MAF: variants seen among roughly 807,000 people sequenced by gnomAD.
The protein encoded by MAF is MAF bZIP transcription factor, also known as transcription factor Maf.
Under a neutral mutation model 22.0 loss-of-function variants are expected in MAF, and 10 were observed. The observed-to-expected ratio is 0.45, with a 90% confidence interval of 0.28 to 0.77. The LOEUF (loss-of-function observed/expected upper bound fraction) is 0.77. Among genes scored for constraint, MAF ranks in the 30% least tolerant of loss-of-function variants. The probability of loss-of-function intolerance (pLI) is 0.12; values close to 1 mark genes in which losing one functional copy is unlikely to be tolerated. For synonymous variants in MAF, 337 were observed against 255.8 expected (o/e 1.32, Z -3.03); for missense variants, 544 against 548.4 (o/e 0.99, Z 0.08).
the MAF span, among the ~76,000 whole-genome samples, chr16:79,427,622 G>A: frequency 6.6e-6 from 1 of 151,950 alleles, no homozygotes; most frequent in African/African-American, 2.4e-5. Flanking sequence ...TACCCCGAAG[G>A]CCCTCTCAAA....
chr16:79,344,108 C>G, the MAF span, among the ~76,000 whole-genome samples: 1 of 152,166 alleles, frequency 6.6e-6, no homozygotes, highest in Non-Finnish European at 1.5e-5. Flanking sequence ...TCCTGACACT[C>G]CCTGGAAGAT....
the MAF span, among the ~76,000 whole-genome samples, chr16:79,481,561 C>G: frequency 4.6e-5 from 7 of 152,004 alleles, no homozygotes; most frequent in Admixed American, 3.9e-4. Flanking sequence ...CCTTTTAATC[C>G]ATTCATCTAC....
the MAF span, among the ~76,000 whole-genome samples, chr16:79,280,560 T>G: frequency 6.6e-6 from 1 of 152,188 alleles, no homozygotes; most frequent in East Asian, 1.9e-4. Context: ...CTTGCATATG[T>G]GTCTTTTGAG....
chr16:79,455,875 G>A, the MAF span, among the ~76,000 whole-genome samples: 8,810 of 152,094 alleles, frequency 0.058, 329 homozygotes, highest in Non-Finnish European at 0.086. Context: ...AAAGTTAGCC[G>A]GGTGTGGAGG....
the MAF span, among the ~76,000 whole-genome samples, chr16:79,349,925 GT>G: frequency 2.6e-5 from 4 of 152,106 alleles, no homozygotes; most frequent in Non-Finnish European, 2.9e-5. Flanking sequence ...ACTTTTCATC[GT>G]TTTCCAAAAG....
the MAF span, among the ~76,000 whole-genome samples, chr16:79,265,398 C>T: frequency 6.6e-6 from 1 of 152,152 alleles, no homozygotes; most frequent in African/African-American, 2.4e-5. Flanking sequence ...TCCCAGCCTC[C>T]TCTCACTTCT....
the MAF span, among the ~76,000 whole-genome samples, chr16:79,241,256 GC>G: frequency 6.6e-6 from 1 of 152,074 alleles, no homozygotes; most frequent in Non-Finnish European, 1.5e-5. Flanking sequence ...AGCTAAAGGA[GC>G]ATGTTCTAAC....
At chr16:79,452,695 G>A in the MAF span, among the ~76,000 whole-genome samples, 1 of 152,108 alleles carries the variant, frequency 6.6e-6, no homozygotes, top group Non-Finnish European at 1.5e-5. Flanking sequence ...TTTGGAGTCA[G>A]CATGGCCATG....
At chr16:79,366,452 T>G in the MAF span, among the ~76,000 whole-genome samples, 3 of 152,334 alleles carry the variant, frequency 2.0e-5, no homozygotes, top group Admixed American at 6.5e-5. Flanking sequence ...GTTTCATTAG[T>G]AATAAGTTAA....
At chr16:79,425,456 C>G in the MAF span, among the ~76,000 whole-genome samples, 1 of 152,170 alleles carries the variant, frequency 6.6e-6, no homozygotes, top group African/African-American at 2.4e-5. Flanking sequence ...ACTCAGTGTT[C>G]AGGGCAGGAG....
chr16:79,382,293 C>G, the MAF span, among the ~76,000 whole-genome samples: 2 of 152,174 alleles, frequency 1.3e-5, no homozygotes, highest in East Asian at 3.8e-4. Flanking sequence ...CCATGCAAAA[C>G]TAAAATTCTC....
At chr16:79,486,154 G>A in the MAF span, among the ~76,000 whole-genome samples, 1 of 152,162 alleles carries the variant, frequency 6.6e-6, no homozygotes, top group Non-Finnish European at 1.5e-5. Flanking sequence ...GCCAGCTCAG[G>A]AACCCCTCTT....
the MAF span, among the ~76,000 whole-genome samples, chr16:79,303,876 T>C: frequency 2.6e-5 from 4 of 151,910 alleles, no homozygotes; most frequent in Non-Finnish European, 4.4e-5. Flanking sequence ...TACCAGAAAG[T>C]CAAATCAACT....
the MAF span, among the ~76,000 whole-genome samples, chr16:79,475,504 T>C: frequency 2.0e-5 from 3 of 152,082 alleles, no homozygotes; most frequent in Non-Finnish European, 4.4e-5. Flanking sequence ...AATGTCTGTG[T>C]ATATTTTCTG....
chr16:79,306,658 C>T, the MAF span, among the ~76,000 whole-genome samples: 2 of 152,204 alleles, frequency 1.3e-5, no homozygotes, highest in African/African-American at 2.4e-5. Flanking sequence ...TCTAAGTGCT[C>T]AGTAGATGTT....
chr16:79,392,959 G>A, the MAF span, among the ~76,000 whole-genome samples: 1 of 152,184 alleles, frequency 6.6e-6, no homozygotes, highest in African/African-American at 2.4e-5. Flanking sequence ...TTCCATTCCA[G>A]GCCTTGGCAG....
the MAF span, among the ~76,000 whole-genome samples, chr16:79,480,447 C>T: frequency 0.059 from 9,011 of 151,900 alleles, 915 homozygotes; most frequent in African/African-American, 0.2. Flanking sequence ...GAAGAAGGGG[C>T]AAAGAAGGGA....
chr16:79,530,653 T>C, the MAF span, among the ~76,000 whole-genome samples: 46 of 152,358 alleles, frequency 3.0e-4, no homozygotes, highest in African/African-American at 1.1e-3. Context: ...TATCTAATTA[T>C]TGAAAGTATG....
At chr16:79,379,353 A>G in the MAF span, among the ~76,000 whole-genome samples, 3 of 152,206 alleles carry the variant, frequency 2.0e-5, no homozygotes, top group African/African-American at 4.8e-5. Flanking sequence ...CTCCCAGAGT[A>G]TGACAGTCTA....
Sources: gnomAD v4.1 joint callset for allele counts (sites outside exome capture counted in the v4.1 genomes callset) on GRCh38, gnomAD v4.1.1 for gene constraint, MANE v1.5 for transcripts, NCBI Gene and HGNC (gene_info 2026-07-23, HGNC 2026-07-21) for gene names.